PTBP3: variants seen among roughly 807,000 people sequenced by gnomAD.
The protein encoded by PTBP3 is polypyrimidine tract binding protein 3.
PTBP3 carries 20 observed loss-of-function variants against 58.7 expected under a neutral mutation model. The ratio of observed to expected loss-of-function variants is 0.34; its 90% CI spans 0.24 to 0.50. The LOEUF is 0.50. Ranked by LOEUF, PTBP3 falls within the 20% of genes least tolerant of loss-of-function variation. The probability of loss-of-function intolerance (pLI) is 0.98; values close to 1 mark genes in which losing one functional copy is unlikely to be tolerated. For synonymous variants in PTBP3, 185 were observed against 219.8 expected, an observed-to-expected ratio of 0.84 and a Z score of 1.40; for missense variants, 509 against 637.2, an observed-to-expected ratio of 0.80 and a Z score of 2.17.
At chr9:112,368,355 G>C in the PTBP3 span, among the ~76,000 whole-genome samples, 3 of 152,250 alleles carry the variant, frequency 2.0e-5, no homozygotes, top group South Asian at 6.2e-4. Flanking sequence ...ATTTTTAGTA[G>C]AGACAGGGTT....
intron 1 of PTBP3, among the ~76,000 whole-genome samples, chr9:112,298,124 C>A (rs78584919): frequency 0.019 from 2,864 of 152,304 alleles, 44 homozygotes; most frequent in South Asian, 0.043. Flanking sequence ...ACTGCCACCA[C>A]AGAAATGGGG....
chr9:112,334,776 G>A (rs1830534941), upstream of PTBP3, among the ~76,000 whole-genome samples: 2 of 152,120 alleles, frequency 1.3e-5, no homozygotes, highest in African/African-American at 4.8e-5. Flanking sequence ...ACTATGTGCC[G>A]GGCACTGCAT....
chr9:112,320,314 A>ATATATATATATTTTT, intron 1 of PTBP3, among the ~76,000 whole-genome samples: 838 of 75,540 alleles, frequency 0.011, 12 homozygotes, highest in Non-Finnish European at 0.016. Context: ...ATATATATAT[A>ATATATATATATTTTT]TTTTTTTTTA....
chr9:112,364,562 G>A, the PTBP3 span, among the ~76,000 whole-genome samples: 115 of 152,234 alleles, frequency 7.6e-4, no homozygotes, highest in Admixed American at 9.8e-4. Flanking sequence ...GAGCCTAGGC[G>A]TCTAAGGCTG....
Position 112,333,489 on chromosome 9 carries a change from A to G in PTBP3, c.-71T>C. 6.3e-7 allele frequency: 1 copy of G among 1,592,394 alleles called. No individual in the cohort carries two copies. The highest frequency in any genetic ancestry group is 1.4e-5 in the African/African-American group (1 of 72,504). On this transcript the variant is annotated 5_prime_UTR_variant, in exon 1 of 14. Coordinates refer to ENST00000374257, the MANE Select transcript of PTBP3 (RefSeq NM_001163788.4). ...ACTTACCCATCCATGGCCCAGATGG[A>G]GGCGCGCACAGAGCAGGGACTGACG...
chr9:112,228,282 T>G lies in PTBP3; in HGVS notation c.1147+98A>C, dbSNP rs1010339426. 11 of 792,456 alleles carry G rather than the reference T, an allele frequency of 1.4e-5. No individual in the cohort carries two copies. In the South Asian group the frequency reaches 2.3e-4, roughly 17 times the overall value. The allele number at this position is 792,456 out of a possible 1,614,324, so 49.1% of individuals were successfully genotyped here. On this transcript the variant is annotated intron_variant, in intron 11 of 13. Transcript: ENST00000374257. ...GGCATTATCACAAGGAGGTGTTCTT[T>G]TGTAAAATCATATTCCTACTAGCTG...
chr9:112,306,608 TTGTTTG>T (rs1366405123), intron 1 of PTBP3, among the ~76,000 whole-genome samples: 8 of 51,266 alleles, frequency 1.6e-4, no homozygotes, highest in African/African-American at 7.1e-4. Flanking sequence ...ATATATATTT[TTGTTTG>T]TTTGTTTGTT....
Position 112,221,069 on chromosome 9 carries a change from G to A in PTBP3, c.*2782C>T. ...ACCTCTATAATTCAAACAGCAAATAGCTTAATATGGACAACATCCATGTGC... is the reference window on the plus strand; with the variant it reads ...ACCTCTATAATTCAAACAGCAAATAACTTAATATGGACAACATCCATGTGC... On this transcript the variant is annotated 3_prime_UTR_variant, in exon 14 of 14. Coordinates refer to ENST00000374257, the MANE Select transcript of PTBP3 (RefSeq NM_001163788.4). 1.0e-6 allele frequency: 1 copy of A among 984,320 alleles called. No individual in the cohort carries two copies. Among genetic ancestry groups the A allele is most frequent in the Non-Finnish European group, 1.2e-6 (1 of 828,960 alleles). The allele number at this position is 984,320 out of a possible 1,614,324, so 61.0% of individuals were successfully genotyped here.
upstream of PTBP3, among the ~76,000 whole-genome samples, chr9:112,338,233 T>C (rs1480452860): frequency 6.6e-6 from 1 of 152,202 alleles, no homozygotes. Flanking sequence ...TTTGTGGTAA[T>C]AAAACAGTTC....
chr9:112,232,014 G>GAA, intron 9 of PTBP3, 85 bp downstream of exon 9: 1 of 588,934 alleles, frequency 1.7e-6, no homozygotes, highest in East Asian at 3.7e-5. Flanking sequence ...GAGAAGAGAA[G>GAA]AGAAGAAAAG....
chr9:112,220,224 A>C lies in PTBP3; in HGVS notation c.*3627T>G. On this transcript the variant is annotated 3_prime_UTR_variant, in exon 14 of 14. Transcript: ENST00000374257. ...GGGAACAGAAGAGAAACTGCATGAC[A>C]ATATGCTAAACATGTAAGCACTGCT... 7.4e-7 allele frequency: 1 copy of C among 1,347,790 alleles called. No homozygotes were observed. Among genetic ancestry groups the C allele is most frequent in the Non-Finnish European group, 9.8e-7 (1 of 1,020,022 alleles). 83.5% of individuals were successfully genotyped at this position (1,347,790 alleles called of 1,614,324 possible).
At chr9:112,293,870 C>T (rs1828553477) in intron 2 of PTBP3, among the ~76,000 whole-genome samples, 1 of 152,188 alleles carries the variant, frequency 6.6e-6, no homozygotes, top group South Asian at 2.1e-4. Context: ...TGGTCCCCAA[C>T]ACAATTCAAG....
Position 112,324,664 on chromosome 9 carries a change from A to T in PTBP3, c.-52+8806T>A, listed in dbSNP as rs527602367. Among the ~76,000 whole-genome samples the T allele has an allele frequency of 2.1e-3, 269 of 130,898 alleles. 1 individual carries two copies. Among genetic ancestry groups the T allele is most frequent in the South Asian group, 9.9e-3 (40 of 4,028 alleles). The allele number at this position is 130,898 out of a possible 152,430, so 85.9% of individuals were successfully genotyped here. A position where few individuals can be genotyped will look rare whatever the true frequency, so the allele number is the denominator to read the frequency against. On this transcript the variant is annotated intron_variant, in intron 1 of 13. Coordinates refer to ENST00000374257, the MANE Select transcript of PTBP3 (RefSeq NM_001163788.4). Reference sequence around the variant, plus strand: ...GACTACCTCTTTTTTTTTTTTTTAAAAAAAAACAACTTTAAAAGAATAGAC... The same window carrying T: ...GACTACCTCTTTTTTTTTTTTTTAATAAAAAACAACTTTAAAAGAATAGAC...
rs555167416 is a variant in PTBP3 at position 112,269,403 on chromosome 9, T to C, written c.205-1208A>G. Among the ~76,000 whole-genome samples, 5 of 152,264 alleles carry C rather than the reference T, an allele frequency of 3.3e-5. No homozygotes were observed. The East Asian group carries it at 7.7e-4, about 23-fold the overall frequency. ...GGGGCAAAATGGTTTATTCTCCTTT[T>C]ACCCTTTTTAAAAACAGCCATTTAT... is the stretch of plus-strand genomic sequence containing the variant. On this transcript the variant is annotated intron_variant, in intron 3 of 13. Transcript: ENST00000374257.
rs1836174856 is a variant in PTBP3, at chr9:112,252,586, A to G, written c.627+92T>C. ...TGGTAAACATGTATATTTTGCCACA[A>G]TTTTTTTAAAAACACATGGTAAAGT... is the stretch of plus-strand genomic sequence containing the variant. On this transcript the variant is annotated intron_variant, in intron 6 of 13. Coordinates refer to ENST00000374257, the MANE Select transcript of PTBP3 (RefSeq NM_001163788.4). The G allele has an allele frequency of 8.2e-6, 8 of 980,028 alleles. No individual in the cohort carries two copies. The South Asian group carries it at 1.0e-4, about 12-fold the overall frequency. The allele number at this position is 980,028 out of a possible 1,614,324, so 60.7% of individuals were successfully genotyped here.
At chr9:112,332,980 G>T in intron 1 of PTBP3, 1 of 1,321,686 alleles carries the variant, frequency 7.6e-7, no homozygotes, top group South Asian at 2.3e-5. Flanking sequence ...TCGCCGCCCA[G>T]ACGTGTACCG....
At position 112,220,478 on chromosome 9, in the gene PTBP3, G is replaced by C; in HGVS notation, c.*3373C>G. 9.3e-7 allele frequency: 1 copy of C among 1,073,898 alleles called. No individual in the cohort carries two copies. The highest frequency in any genetic ancestry group is 1.1e-6 in the Non-Finnish European group (1 of 879,492). 66.5% of individuals were successfully genotyped at this position (1,073,898 alleles called of 1,614,324 possible). On this transcript the variant is annotated 3_prime_UTR_variant, in exon 14 of 14. Coordinates refer to ENST00000374257, the MANE Select transcript of PTBP3 (RefSeq NM_001163788.4). ...ACCCATGATTATCATACTAGGTGGA[G>C]CCAAAGAAGGCCTCACTGTCATAAG...
rs35187927 is a variant in PTBP3 at position 112,305,260 on chromosome 9, C to CT, written c.-51-7345dup. The stretch of plus-strand genomic sequence containing the variant: ...CCTTGAAATATCATGCCTGAAAGGA[C>CT]TTTTTTTTTTTTTTTTTCTGCCTAG... On this transcript the variant is annotated intron_variant, in intron 1 of 13. Coordinates refer to ENST00000374257, the MANE Select transcript of PTBP3 (RefSeq NM_001163788.4). 1.5e-3 allele frequency among the ~76,000 whole-genome samples: 195 copies of CT among 130,126 alleles called. 2 individuals carry two copies. The highest frequency in any genetic ancestry group is 3.5e-3 in the African/African-American group (121 of 35,072). The allele number at this position is 130,126 out of a possible 152,430, so 85.4% of individuals were successfully genotyped here.
chr9:112,342,958 G>C, the PTBP3 span, among the ~76,000 whole-genome samples: 3 of 152,104 alleles, frequency 2.0e-5, no homozygotes, highest in African/African-American at 7.2e-5. Flanking sequence ...CTCCTGAGTA[G>C]CTGGGACTAC....
Sources: allele counts gnomAD v4.1 joint callset (sites outside exome capture counted in the v4.1 genomes callset), GRCh38; gene constraint gnomAD v4.1.1; transcripts MANE v1.5; gene names NCBI Gene and HGNC (gene_info 2026-07-23, HGNC 2026-07-21).